AP3D1: variants seen among roughly 807,000 people sequenced by gnomAD.
The protein encoded by AP3D1 is adaptor related protein complex 3 subunit delta 1.
Under a neutral mutation model 147.6 loss-of-function variants are expected in AP3D1, and 51 were observed. The ratio of observed to expected loss-of-function variants is 0.35; its 90% CI spans 0.28 to 0.44. The LOEUF is 0.44. Among genes scored for constraint, AP3D1 ranks in the 20% least tolerant of loss-of-function variants. The probability of loss-of-function intolerance (pLI) is 1.00; values close to 1 mark genes in which losing one functional copy is unlikely to be tolerated. For synonymous variants in AP3D1, 760 were observed against 663.0 expected (o/e 1.15, Z -2.25); for missense variants, 1,421 against 1,624.2 (o/e 0.87, Z 2.15).
intron 31 of AP3D1, among the ~76,000 whole-genome samples, chr19:2,107,029 C>T (rs956773302): frequency 2.6e-5 from 4 of 152,028 alleles, no homozygotes; most frequent in Non-Finnish European, 5.9e-5. Flanking sequence ...TTTGGGAGGC[C>T]GAGGCAGACA....
intron 25 of AP3D1, 66 bp downstream of exon 25, chr19:2,111,613 G>A: frequency 6.6e-7 from 1 of 1,507,802 alleles, no homozygotes; most frequent in Non-Finnish European, 8.9e-7. Context: ...GGCTGCAGGA[G>A]TGGGGAGCAG....
At chr19:2,148,758 A>T (rs73916859) in intron 1 of AP3D1, among the ~76,000 whole-genome samples, 7,111 of 152,206 alleles carry the variant, frequency 0.047, 570 homozygotes, top group African/African-American at 0.16. Context: ...TGCGATTTCT[A>T]CTCCATCGCA....
At chr19:2,118,480 A>G in intron 15 of AP3D1, 121 bp downstream of exon 15, 1 of 1,002,682 alleles carries the variant, frequency 1.0e-6, no homozygotes. Context: ...AGTGGCAACA[A>G]AAGAATCTCA....
chr19:2,122,913 C>T (rs964671343), intron 11 of AP3D1, among the ~76,000 whole-genome samples: 1 of 152,268 alleles, frequency 6.6e-6, no homozygotes, highest in African/African-American at 2.4e-5. Flanking sequence ...CTCAACAGAG[C>T]AGCACGGGGG....
chr19:2,153,340 C>T (rs1052636795), upstream of AP3D1, among the ~76,000 whole-genome samples: 2 of 147,670 alleles, frequency 1.4e-5, no homozygotes, highest in Admixed American at 1.4e-4. Context: ...CGCCACTGCA[C>T]TCTAGGCTGG....
intron 18 of AP3D1, among the ~76,000 whole-genome samples, 194 bp from the exon 19 acceptor site, chr19:2,115,807 G>A (rs1253807271): frequency 6.6e-6 from 1 of 152,250 alleles, no homozygotes; most frequent in East Asian, 1.9e-4. Flanking sequence ...AGTGAGGACT[G>A]GAAAGCTTGT....
chr19:2,160,403 C>T (rs989458790), intron 1 of AP3D1, among the ~76,000 whole-genome samples: 2 of 152,148 alleles, frequency 1.3e-5, no homozygotes, highest in Non-Finnish European at 2.9e-5. Flanking sequence ...GTGGCGCATG[C>T]CTGTAATCCC....
At chr19:2,157,359 G>A (rs1457723764) in intron 1 of AP3D1, among the ~76,000 whole-genome samples, 9 of 146,942 alleles carry the variant, frequency 6.1e-5, no homozygotes, top group African/African-American at 1.5e-4. Context: ...GGAGAATGGC[G>A]TGAACCCGGG....
chr19:2,154,566 C>G (rs939286102), upstream of AP3D1, among the ~76,000 whole-genome samples: 4 of 152,198 alleles, frequency 2.6e-5, no homozygotes, highest in African/African-American at 9.7e-5. Flanking sequence ...CGTGAGCCAC[C>G]ACGCCCCATC....
At chr19:2,106,748 T>G (rs1396452626) in intron 31 of AP3D1, among the ~76,000 whole-genome samples, 1 of 151,998 alleles carries the variant, frequency 6.6e-6, no homozygotes, top group Non-Finnish European at 1.5e-5. Context: ...TGACAGAGGC[T>G]GCGATGTGGA....
At chr19:2,156,379 T>C (rs1317217433), upstream of AP3D1, among the ~76,000 whole-genome samples, 1 of 151,930 alleles carries the variant, frequency 6.6e-6, no homozygotes, top group African/African-American at 2.4e-5. Context: ...CATACATACA[T>C]ACATCTACCC....
chr19:2,137,954 G>T, intron 2 of AP3D1, 147 bp from the exon 3 acceptor site: 1 of 560,814 alleles, frequency 1.8e-6, no homozygotes. Context: ...TACCCCTGGG[G>T]CCTTTAATTT....
intron 31 of AP3D1, among the ~76,000 whole-genome samples, chr19:2,102,981 A>T (rs1343253941): frequency 1.3e-5 from 2 of 151,774 alleles, no homozygotes; most frequent in African/African-American, 2.4e-5. Context: ...CATGCAGGCC[A>T]GGCCGGATGG....
intron 9 of AP3D1, among the ~76,000 whole-genome samples, chr19:2,126,652 CAAAAAAAAAA>C (rs58063456): frequency 3.4e-5 from 2 of 59,634 alleles, no homozygotes; most frequent in Non-Finnish European, 7.1e-5. Context: ...GACTCTGCCT[CAAAAAAAAAA>C]AAAAAAAAAG....
intron 24 of AP3D1, 74 bp downstream of exon 24, chr19:2,112,786 C>A: frequency 8.0e-7 from 1 of 1,242,824 alleles, no homozygotes; most frequent in Non-Finnish European, 1.1e-6. Flanking sequence ...GTGGCGGAAG[C>A]TGTGTCCGGC....
chr19:2,153,632 C>G (rs1023204229), upstream of AP3D1, among the ~76,000 whole-genome samples: 1 of 151,374 alleles, frequency 6.6e-6, no homozygotes, highest in Non-Finnish European at 1.5e-5. Context: ...CTGAGATTGC[C>G]CCATTACACT....
intron 29 of AP3D1, chr19:2,109,653 G>A (rs2018210075): frequency 5.2e-6 from 3 of 571,808 alleles, no homozygotes; most frequent in South Asian, 4.2e-5. Context: ...CAGGGGCCTG[G>A]ACCTCTATGG....
intron 27 of AP3D1, 118 bp downstream of exon 27, chr19:2,110,588 GC>G: frequency 8.8e-7 from 1 of 1,140,770 alleles, no homozygotes; most frequent in Non-Finnish European, 1.2e-6. Flanking sequence ...CTGAGGTGCA[GC>G]CTGGGGACAA....
upstream of AP3D1, among the ~76,000 whole-genome samples, chr19:2,153,496 T>G (rs1291615430): frequency 4.0e-5 from 6 of 151,780 alleles, no homozygotes; most frequent in Non-Finnish European, 1.5e-5. Context: ...GCCAACATGG[T>G]GAAATTCCAC....
Sources: gnomAD v4.1 joint callset for allele counts (sites outside exome capture counted in the v4.1 genomes callset) on GRCh38, gnomAD v4.1.1 for gene constraint, MANE v1.5 for transcripts, NCBI Gene and HGNC (gene_info 2026-07-23, HGNC 2026-07-21) for gene names.